Variants in CECR2 observed in about 807,000 individuals in gnomAD.
CECR2 encodes the protein CECR2 histone acetyl-lysine reader, also known as chromatin remodeling regulator CECR2.
A neutral mutation model predicts 154.5 loss-of-function variants in CECR2; 30 were observed. The observed-to-expected ratio is 0.19, with a 90% CI of 0.15 to 0.26. The LOEUF is 0.26. Ranked by LOEUF, CECR2 falls within the 10% of genes least tolerant of loss-of-function variation. The pLI is 1.00. For missense variants in CECR2, 1,743 were observed against 1,829.3 expected (o/e 0.95, Z 0.86); for synonymous variants, 725 against 683.7 (o/e 1.06, Z -0.94).
At chr22:17,520,458 A>C (rs947091267) in intron 8 of CECR2, among the ~76,000 whole-genome samples, 1 of 152,062 alleles carries the variant, frequency 6.6e-6, no homozygotes, top group African/African-American at 2.4e-5. Context: ...TCTAGAGTAC[A>C]TGTGCAGAAT....
intron 8 of CECR2, among the ~76,000 whole-genome samples, chr22:17,514,536 A>G (rs1449498173): frequency 6.6e-6 from 1 of 152,208 alleles, no homozygotes; most frequent in East Asian, 1.9e-4. Flanking sequence ...TTTTAAAGAA[A>G]AAAATTGCAG....
At chr22:17,539,364 G>A (rs2056486209) in intron 13 of CECR2, among the ~76,000 whole-genome samples, 2 of 152,148 alleles carry the variant, frequency 1.3e-5, no homozygotes, top group African/African-American at 4.8e-5. Flanking sequence ...TCTGGGTCTG[G>A]ATTATACTGT....
chr22:17,545,114 T>C (rs895121251), intron 16 of CECR2, among the ~76,000 whole-genome samples: 1 of 151,894 alleles, frequency 6.6e-6, no homozygotes. Flanking sequence ...GTGGCTCACA[T>C]CTGTAATACC....
At chr22:17,492,429 C>T (rs2055548335) in intron 2 of CECR2, among the ~76,000 whole-genome samples, 1 of 152,190 alleles carries the variant, frequency 6.6e-6, no homozygotes, top group African/African-American at 2.4e-5. Context: ...ACACTTGAAT[C>T]AGGTCGTGCC....
At chr22:17,465,302 T>A (rs1209048372) in intron 1 of CECR2, among the ~76,000 whole-genome samples, 1 of 151,518 alleles carries the variant, frequency 6.6e-6, no homozygotes, top group Non-Finnish European at 1.5e-5. Flanking sequence ...GGCCAAATAT[T>A]TCTATTTAAA....
At chr22:17,367,799 T>C (rs1358953186), upstream of CECR2, among the ~76,000 whole-genome samples, 2 of 152,378 alleles carry the variant, frequency 1.3e-5, no homozygotes, top group East Asian at 1.9e-4. Flanking sequence ...GGGTGGCCTG[T>C]GTCCCTCTCC....
At chr22:17,489,589 G>A (rs1311821647) in intron 2 of CECR2, among the ~76,000 whole-genome samples, 1 of 152,072 alleles carries the variant, frequency 6.6e-6, no homozygotes, top group Non-Finnish European at 1.5e-5. Context: ...CTGAGTAGCT[G>A]GGACTATAGG....
In CECR2 at chr22:17,405,665, A is replaced by ATTT. The variant is rs2053972979; in HGVS notation, c.126+35756_126+35757insTTT. Among the ~76,000 whole-genome samples the ATTT allele has an allele frequency of 8.3e-5, 5 of 59,992 alleles. 1 individual carries two copies. The highest frequency in any genetic ancestry group is 1.2e-4 in the Non-Finnish European group (3 of 24,876). 39.4% of individuals were successfully genotyped at this position (59,992 alleles called of 152,430 possible). On this transcript the variant is annotated intron_variant, in intron 1 of 18. Coordinates refer to ENST00000262608, the MANE Select transcript of CECR2 (RefSeq NM_001290047.2). Reference sequence around the variant, plus strand: ...AAAAAAAAAAAAAAAAAAAAAAAAAAATTTTCAATTGTTTGCTAGTATTAG... The same window carrying ATTT: ...AAAAAAAAAAAAAAAAAAAAAAAAAATTTATTTTCAATTGTTTGCTAGTATTAG...
chr22:17,453,921 T>C (rs1386821263), intron 1 of CECR2, among the ~76,000 whole-genome samples: 1 of 152,202 alleles, frequency 6.6e-6, no homozygotes, highest in Admixed American at 6.5e-5. Context: ...GAAACAAGCA[T>C]TTCAAACAGC....
intron 8 of CECR2, among the ~76,000 whole-genome samples, chr22:17,522,391 G>A (rs1035946954): frequency 6.6e-6 from 1 of 152,194 alleles, no homozygotes; most frequent in Non-Finnish European, 1.5e-5. Context: ...GCAAAATTTA[G>A]GGAAGGTGCT....
chr22:17,508,130 A>G (rs1400479016), intron 7 of CECR2, among the ~76,000 whole-genome samples: 2 of 152,220 alleles, frequency 1.3e-5, no homozygotes, highest in East Asian at 1.9e-4. Context: ...ATGACAAACC[A>G]TTTATACCAC....
At chr22:17,368,719 G>C (rs2063018721), upstream of CECR2, among the ~76,000 whole-genome samples, 1 of 152,018 alleles carries the variant, frequency 6.6e-6, no homozygotes, top group Non-Finnish European at 1.5e-5. Flanking sequence ...CTCTTTCAGC[G>C]GCCGGGCAGT....
chr22:17,525,285 CCAAAAAAAAAAAAAAAAAAA>C (rs1222373751), intron 9 of CECR2, among the ~76,000 whole-genome samples: 1 of 32,322 alleles, frequency 3.1e-5, no homozygotes, highest in Non-Finnish European at 5.1e-5. Flanking sequence ...AACTCCATCT[CCAAAAAAAAAAAAAAAAAAA>C]AAAAAAAAAA....
At chr22:17,534,491 T>C (rs897605674) in intron 9 of CECR2, among the ~76,000 whole-genome samples, 3 of 151,866 alleles carry the variant, frequency 2.0e-5, no homozygotes, top group African/African-American at 7.3e-5. Flanking sequence ...AACTGACATA[T>C]TTGATTACTT....
Position 17,503,091 on chromosome 22 carries a change from G to A in CECR2, c.660G>A (p.Gln220=), listed in dbSNP as rs756169508. Reference sequence around the variant, plus strand: ...TTTTCCTGTGTTTCAGTGAAAAGCAGGAAGAAAATTCCTTGGCATCCGAGC... The same window carrying A: ...TTTTCCTGTGTTTCAGTGAAAAGCAAGAAGAAAATTCCTTGGCATCCGAGC... The part of the protein sequence containing the change: ...LQEEILLSEK[Q]EENSLASEPQ... Residue 220 remains glutamine, a synonymous_variant, in exon 6 of 19, where the codon CAG becomes CAA. Coordinates refer to ENST00000262608, the MANE Select transcript of CECR2 (RefSeq NM_001290047.2). The A allele has an allele frequency of 2.9e-5, 47 of 1,610,666 alleles. 1 individual carries two copies. Among genetic ancestry groups the A allele is most frequent in the Middle Eastern group, 1.6e-4 (1 of 6,080 alleles).
At chr22:17,464,686 G>C (rs1284267404) in intron 1 of CECR2, among the ~76,000 whole-genome samples, 2 of 151,924 alleles carry the variant, frequency 1.3e-5, no homozygotes, top group African/African-American at 4.8e-5. Flanking sequence ...TTTCTTTGTA[G>C]AGATGAGATC....
chr22:17,410,330 T>G (rs759594974), intron 1 of CECR2, among the ~76,000 whole-genome samples: 27 of 152,188 alleles, frequency 1.8e-4, no homozygotes, highest in Admixed American at 5.2e-4. Context: ...ACAGTAGATT[T>G]GTTTATATAG....
chr22:17,488,186 T>G (rs1212941906), intron 2 of CECR2, among the ~76,000 whole-genome samples: 1 of 152,152 alleles, frequency 6.6e-6, no homozygotes, highest in Non-Finnish European at 1.5e-5. Context: ...CCCGGCCTCA[T>G]TTAATTTTTA....
At chr22:17,448,631 T>A (rs1051517070) in intron 1 of CECR2, among the ~76,000 whole-genome samples, 4 of 152,206 alleles carry the variant, frequency 2.6e-5, no homozygotes, top group Non-Finnish European at 5.9e-5. Flanking sequence ...GTATTTATAC[T>A]TTGGGACCTA....
Sources: allele counts gnomAD v4.1 joint callset (sites outside exome capture counted in the v4.1 genomes callset), GRCh38; gene constraint gnomAD v4.1.1; transcripts MANE v1.5; gene names NCBI Gene and HGNC (gene_info 2026-07-23, HGNC 2026-07-21).